The following PPP2R2B variants were observed in gnomAD, a reference collection of about 807,000 sequenced individuals.
The protein encoded by PPP2R2B is protein phosphatase 2 regulatory subunit Bbeta, also known as serine/threonine-protein phosphatase 2A 55 kDa regulatory subunit B beta isoform.
In PPP2R2B, 5 loss-of-function variants were observed where a neutral mutation model predicts 46.0. The ratio of observed to expected loss-of-function variants is 0.11; its 90% CI spans 0.06 to 0.23. PPP2R2B has a LOEUF of 0.23. Among genes scored for constraint, PPP2R2B ranks in the 10% least tolerant of loss-of-function variants. The pLI is 1.00. For synonymous variants in PPP2R2B, 215 were observed against 206.7 expected, an observed-to-expected ratio of 1.04 and a Z score of -0.34; for missense variants, 367 against 575.0, an observed-to-expected ratio of 0.64 and a Z score of 3.70.
intron 5 of PPP2R2B, among the ~76,000 whole-genome samples, chr5:146,655,457 A>G (rs1466998905): frequency 4.6e-5 from 7 of 152,192 alleles, no homozygotes; most frequent in African/African-American, 1.4e-4. Flanking sequence ...CCTTCAGTCT[A>G]TCCTCTTCCC....
chr5:146,967,155 C>T (rs1231957591), intron 1 of PPP2R2B, among the ~76,000 whole-genome samples: 1 of 152,156 alleles, frequency 6.6e-6, no homozygotes, highest in Non-Finnish European at 1.5e-5. Flanking sequence ...CAACATACTG[C>T]CCTCTATTAG....
intron 1 of PPP2R2B, among the ~76,000 whole-genome samples, chr5:146,947,843 C>T (rs1038280863): frequency 6.6e-6 from 1 of 151,664 alleles, no homozygotes; most frequent in Admixed American, 6.6e-5. Context: ...TTTGCTTATG[C>T]TACCACTTCA....
intron 1 of PPP2R2B, among the ~76,000 whole-genome samples, chr5:147,027,624 G>C (rs1473772020): frequency 8.1e-6 from 1 of 123,878 alleles, no homozygotes; most frequent in Non-Finnish European, 1.6e-5. Flanking sequence ...AACAAAGCGA[G>C]ACTCGGTCTC....
At chr5:147,067,039 C>T (rs895149690) in intron 2 of PPP2R2B, among the ~76,000 whole-genome samples, 3 of 152,142 alleles carry the variant, frequency 2.0e-5, no homozygotes, top group Non-Finnish European at 4.4e-5. Flanking sequence ...ATCTGCTAGA[C>T]GGTCAGGAGG....
At chr5:147,024,949 A>G (rs1417183810) in intron 1 of PPP2R2B, among the ~76,000 whole-genome samples, 1 of 152,084 alleles carries the variant, frequency 6.6e-6, no homozygotes, top group Non-Finnish European at 1.5e-5. Context: ...GAAGAAAAGG[A>G]AGGAAATAAA....
At chr5:146,816,907 C>T (rs905934028) in intron 2 of PPP2R2B, among the ~76,000 whole-genome samples, 11 of 152,112 alleles carry the variant, frequency 7.2e-5, no homozygotes, top group Non-Finnish European at 1.3e-4. Flanking sequence ...TGATGAATAC[C>T]AGTGGTTAAG....
intron 1 of PPP2R2B, among the ~76,000 whole-genome samples, chr5:146,957,900 T>C (rs556425317): frequency 2.2e-4 from 34 of 152,240 alleles, no homozygotes; most frequent in Admixed American, 1.4e-3. Flanking sequence ...CAGGGAATCC[T>C]GGAGGAAGAA....
chr5:146,645,933 G>A (rs1775551963), intron 6 of PPP2R2B, among the ~76,000 whole-genome samples: 1 of 152,230 alleles, frequency 6.6e-6, no homozygotes, highest in South Asian at 2.1e-4. Context: ...CAGGACCTCT[G>A]TACACACTGA....
intron 2 of PPP2R2B, among the ~76,000 whole-genome samples, chr5:146,777,702 A>G (rs529126981): frequency 6.6e-6 from 1 of 152,314 alleles, no homozygotes; most frequent in East Asian, 1.9e-4. Flanking sequence ...ATGGCACCAT[A>G]CTATGACATA....
chr5:146,938,490 A>G (rs1764224232), intron 1 of PPP2R2B, among the ~76,000 whole-genome samples: 1 of 152,184 alleles, frequency 6.6e-6, no homozygotes, highest in Admixed American at 6.6e-5. Context: ...CAGTTTTTCT[A>G]TGTAAAAAAT....
chr5:146,911,998 G>A (rs1232044694), intron 1 of PPP2R2B, among the ~76,000 whole-genome samples: 1 of 152,208 alleles, frequency 6.6e-6, no homozygotes, highest in South Asian at 2.1e-4. Context: ...AGCACTTTGG[G>A]AGGCTGAGGC....
chr5:146,911,393 A>G (rs1763178230), intron 1 of PPP2R2B, among the ~76,000 whole-genome samples: 1 of 152,070 alleles, frequency 6.6e-6, no homozygotes, highest in African/African-American at 2.4e-5. Flanking sequence ...CTTGACTTTT[A>G]AAATAAATCA....
rs1205016708 is a variant in PPP2R2B, at chr5:146,588,184, G to A, written c.*1763C>T. The A allele has an allele frequency of 6.6e-6, 1 of 152,196 alleles. No homozygotes were observed. Among genetic ancestry groups the A allele is most frequent in the African/African-American group, 2.4e-5 (1 of 41,452 alleles). 9.4% of individuals were successfully genotyped at this position (152,196 alleles called of 1,614,324 possible). On this transcript the variant is annotated 3_prime_UTR_variant, in exon 10 of 10. Coordinates refer to ENST00000394411, the MANE Select transcript of PPP2R2B (RefSeq NM_181675.4). ...CCTTGCAGGAAAAATGAGAAATACT[G>A]AGAAAGTCTCGTCTTTGTTCCCATG...
At chr5:146,672,678 A>G (rs1414653079) in intron 5 of PPP2R2B, among the ~76,000 whole-genome samples, 1 of 152,242 alleles carries the variant, frequency 6.6e-6, no homozygotes, top group African/African-American at 2.4e-5. Context: ...ATGCAAACAA[A>G]TAAAGATGGC....
At chr5:146,856,587 T>G in intron 2 of PPP2R2B, 1 of 1,605,194 alleles carries the variant, frequency 6.2e-7, no homozygotes, top group Non-Finnish European at 8.5e-7. Context: ...TTGGCTCCTG[T>G]GACAAACATG....
chr5:147,004,964 G>A (rs116695989), intron 1 of PPP2R2B, among the ~76,000 whole-genome samples: 3,417 of 152,200 alleles, frequency 0.022, 151 homozygotes, highest in African/African-American at 0.077. Context: ...ACAAGGAAAG[G>A]ATCTTACTGT....
rs747932892 is a variant in PPP2R2B, at chr5:147,055,620, C to T, written c.79+45G>A. 7 of 1,536,764 alleles carry T rather than the reference C, an allele frequency of 4.6e-6. No homozygotes were observed. The South Asian group carries it at 6.7e-5, about 15-fold the overall frequency. On this transcript the variant is annotated intron_variant, in intron 1 of 8. Transcript: ENST00000336640. ...AACCCGTGGGAAGTCAGACACCAGC[C>T]CACTTTTCCCACCCACCCAGACACT...
chr5:146,713,940 T>C (rs1780343281), intron 2 of PPP2R2B, among the ~76,000 whole-genome samples: 2 of 152,000 alleles, frequency 1.3e-5, no homozygotes, highest in Non-Finnish European at 2.9e-5. Context: ...ATTGAGCTGG[T>C]GATATAAATT....
chr5:146,942,890 C>T (rs934343671), intron 1 of PPP2R2B, among the ~76,000 whole-genome samples: 1 of 151,932 alleles, frequency 6.6e-6, no homozygotes, highest in Non-Finnish European at 1.5e-5. Context: ...CTCCACCTCC[C>T]AGGTTCACAC....
Sources: gnomAD v4.1 joint callset for allele counts (sites outside exome capture counted in the v4.1 genomes callset) on GRCh38, gnomAD v4.1.1 for gene constraint, MANE v1.5 for transcripts, NCBI Gene and HGNC (gene_info 2026-07-23, HGNC 2026-07-21) for gene names.